The following SUMF2 variants were observed in gnomAD, a reference collection of about 807,000 sequenced individuals.
SUMF2 encodes sulfatase modifying factor 2, also known as inactive C-alpha-formylglycine-generating enzyme 2.
In SUMF2, 45 loss-of-function variants were observed where a neutral mutation model predicts 44.8. That is an observed-to-expected ratio of 1.00 (90% CI 0.79 to 1.29). SUMF2 has a LOEUF of 1.29. SUMF2 is among the 50% of genes most tolerant of loss of function. The pLI, the probability that SUMF2 is intolerant of heterozygous loss-of-function variation, is 0.00. For synonymous variants in SUMF2, 148 were observed against 150.4 expected (o/e 0.98, Z 0.12); for missense variants, 418 against 389.9 (o/e 1.07, Z -0.61).
chr7:56,074,590 C>T lies in SUMF2; in HGVS notation c.389C>T (p.Ala130Val). ...TCACTTAATCCTGGCTGTCAGCCTGCAGGTCCTGGCTCTGGCATCCGAGAG... is the reference window on the plus strand; with the variant it reads ...TCACTTAATCCTGGCTGTCAGCCTGTAGGTCCTGGCTCTGGCATCCGAGAG... ...PVEKAFWRQP[A>V]GPGSGIRERL... The change falls in exon 5 of 9, where the codon GCA (alanine) becomes GTA (valine). Residue 130 changes from alanine to valine, a missense_variant. Physicochemically the swap from Ala to Val is moderately conservative, Grantham distance 64. Coordinates refer to ENST00000434526, the MANE Select transcript of SUMF2 (RefSeq NM_015411.4). The T allele has an allele frequency of 6.2e-7, 1 of 1,613,904 alleles. No homozygotes were observed. Among genetic ancestry groups the T allele is most frequent in the Non-Finnish European group, 8.5e-7 (1 of 1,179,868 alleles).
chr7:56,074,154 G>T lies in SUMF2; in HGVS notation c.340-20G>T, dbSNP rs554597602. Reference sequence around the variant, plus strand: ...TGCTGGGCCGGAGCATCTTGCAGTCGGTCTCCTTCTTTTTCGCAGTCTGTA... The same window carrying T: ...TGCTGGGCCGGAGCATCTTGCAGTCTGTCTCCTTCTTTTTCGCAGTCTGTA... On this transcript the variant is annotated intron_variant, in intron 3 of 8. Transcript: ENST00000434526. 1 of 1,613,534 alleles carries T rather than the reference G, an allele frequency of 6.2e-7. No homozygotes were observed. Among genetic ancestry groups the T allele is most frequent in the South Asian group, 1.1e-5 (1 of 91,048 alleles).
intron 6 of SUMF2, among the ~76,000 whole-genome samples, chr7:56,077,440 T>A (rs1296454160): frequency 6.7e-6 from 1 of 149,120 alleles, no homozygotes; most frequent in Non-Finnish European, 1.5e-5. Flanking sequence ...GGCGGGTGGA[T>A]CACCTGAGGT....
At chr7:56,067,932 A>G (rs1348956360) in intron 1 of SUMF2, among the ~76,000 whole-genome samples, 1 of 151,064 alleles carries the variant, frequency 6.6e-6, no homozygotes. Context: ...TGAATCTCAG[A>G]TTAAGTAATT....
At chr7:56,065,431 T>C (rs1239172540) in intron 1 of SUMF2, among the ~76,000 whole-genome samples, 1 of 152,128 alleles carries the variant, frequency 6.6e-6, no homozygotes, top group Non-Finnish European at 1.5e-5. Flanking sequence ...TGACAGTGCT[T>C]CTTAATAATA....
intron 1 of SUMF2, among the ~76,000 whole-genome samples, chr7:56,066,934 C>T (rs1290380867): frequency 6.6e-6 from 1 of 152,108 alleles, no homozygotes; most frequent in African/African-American, 2.4e-5. Flanking sequence ...CTTTTTAATT[C>T]TATGATTTTC....
At chr7:56,074,308 G>C in intron 4 of SUMF2, 90 bp downstream of exon 4, 1 of 1,360,190 alleles carries the variant, frequency 7.4e-7, no homozygotes, top group Non-Finnish European at 1.0e-6. Flanking sequence ...GTACATCCAG[G>C]AACACTGAGT....
chr7:56,069,663 A>G (rs1302153011), intron 2 of SUMF2, among the ~76,000 whole-genome samples: 1 of 151,972 alleles, frequency 6.6e-6, no homozygotes, highest in Non-Finnish European at 1.5e-5. Flanking sequence ...GTTCAGTGGT[A>G]TGATCTCAGC....
rs1241351985 is a variant in SUMF2, at chr7:56,080,430, ATTT to A, written c.*822_*824del. ...AAGTGTGCACCACCATGCCTGGCTA[ATTT>A]TTTGAATTTTTGTAGTGATGGGATC... On this transcript the variant is annotated 3_prime_UTR_variant, in exon 9 of 9. Transcript: ENST00000434526. 1 of 157,540 alleles carries A rather than the reference ATTT, an allele frequency of 6.3e-6. No individual in the cohort carries two copies. The highest frequency in any genetic ancestry group is 1.9e-4 in the East Asian group (1 of 5,248). 9.8% of individuals were successfully genotyped at this position (157,540 alleles called of 1,614,324 possible). A position where few individuals can be genotyped will look rare whatever the true frequency, so the allele number is the denominator to read the frequency against.
chr7:56,075,109 C>G (rs749108520), intron 5 of SUMF2, among the ~76,000 whole-genome samples: 3 of 150,860 alleles, frequency 2.0e-5, no homozygotes, highest in African/African-American at 7.3e-5. Context: ...AAAGAAAAAG[C>G]GGGGGGATGG....
At position 56,073,998 on chromosome 7, in the gene SUMF2, G is replaced by C. The variant is rs575260782; in HGVS notation, c.340-176G>C. The C allele has an allele frequency of 1.3e-5, 8 of 592,966 alleles. No homozygotes were observed. The East Asian group carries it at 1.7e-4, about 13-fold the overall frequency. The allele number at this position is 592,966 out of a possible 1,614,324, so 36.7% of individuals were successfully genotyped here. On this transcript the variant is annotated intron_variant, in intron 3 of 8. Transcript: ENST00000434526. ...CCACTGCACTCTAGCCTGAGTGACA[G>C]AGCAAGATCTTGTCTCAAAAAAAAA... is the stretch of plus-strand genomic sequence containing the variant.
At chr7:56,082,150 C>A, downstream of SUMF2, 1 of 1,613,094 alleles carries the variant, frequency 6.2e-7, no homozygotes, top group South Asian at 1.1e-5. Flanking sequence ...TCCTCCTTTC[C>A]CGGCGCACTC....
intron 6 of SUMF2, 111 bp from the exon 7 acceptor site, chr7:56,077,991 T>G (rs1449184783): frequency 1.1e-6 from 1 of 889,542 alleles, no homozygotes. Context: ...CCCCGTGCCC[T>G]TCCCCTTCCC....
intron 7 of SUMF2, 75 bp from the exon 8 acceptor site, chr7:56,078,289 G>T: frequency 6.4e-7 from 1 of 1,560,770 alleles, no homozygotes; most frequent in Non-Finnish European, 8.7e-7. Flanking sequence ...CTGCCATTTG[G>T]CCCCCAGGAC....
chr7:56,078,374 C>T lies in SUMF2; in HGVS notation c.687C>T (p.Asp229=). The T allele has an allele frequency of 6.2e-7, 1 of 1,606,690 alleles. No homozygotes were observed. The highest frequency in any genetic ancestry group is 8.5e-7 in the Non-Finnish European group (1 of 1,175,694). ...FPAQNNYGLY[D]LLGNVWEWTA... Reference sequence around the variant, plus strand: ...CCGGTGGGGCTGCAGGGCTCTATGACCTCCTGGGGAACGTGTGGGAGTGGA... The same window carrying T: ...CCGGTGGGGCTGCAGGGCTCTATGATCTCCTGGGGAACGTGTGGGAGTGGA... Residue 229 remains aspartate (D), a synonymous_variant, in exon 8 of 9, where the codon GAC becomes GAT. Transcript: ENST00000434526.
chr7:56,071,804 A>ATAAATAAATAAT (rs1795169836), intron 2 of SUMF2, among the ~76,000 whole-genome samples: 2 of 150,152 alleles, frequency 1.3e-5, no homozygotes, highest in African/African-American at 2.5e-5. Context: ...AAATAAATAA[A>ATAAATAAATAAT]TAAATAAATA....
At chr7:56,083,471 C>T, downstream of SUMF2, 3 of 1,612,192 alleles carry the variant, frequency 1.9e-6, no homozygotes, top group Non-Finnish European at 2.5e-6. Flanking sequence ...TGTTACTCTT[C>T]CTCTGCTCAG....
downstream of SUMF2, chr7:56,082,280 G>C (rs771381553): frequency 6.4e-7 from 1 of 1,564,572 alleles, no homozygotes; most frequent in East Asian, 2.2e-5. Context: ...CATCAGGGCA[G>C]GTCAGCAGGG....
At chr7:56,069,831 G>T (rs764389865) in intron 2 of SUMF2, among the ~76,000 whole-genome samples, 7 of 152,014 alleles carry the variant, frequency 4.6e-5, no homozygotes, top group Non-Finnish European at 1.0e-4. Flanking sequence ...TGATCCTTCT[G>T]CCGTGGCCTC....
Position 56,080,152 on chromosome 7 carries a change from C to T in SUMF2, c.*540C>T. ...GTAACTATTTAAAGCACAGTTCAGT[C>T]CTAAAAGGGTCTGGGAGAACCAGAT... is the stretch of plus-strand genomic sequence containing the variant. On this transcript the variant is annotated 3_prime_UTR_variant, in exon 9 of 9. Coordinates refer to ENST00000434526, the MANE Select transcript of SUMF2 (RefSeq NM_015411.4). The T allele has an allele frequency of 2.6e-6, 1 of 389,108 alleles. No individual in the cohort carries two copies. Among genetic ancestry groups the T allele is most frequent in the Non-Finnish European group, 4.6e-6 (1 of 216,134 alleles). The allele number at this position is 389,108 out of a possible 1,614,324, so 24.1% of individuals were successfully genotyped here.
Sources: allele counts gnomAD v4.1 joint callset (sites outside exome capture counted in the v4.1 genomes callset), GRCh38; gene constraint gnomAD v4.1.1; transcripts MANE v1.5; gene names NCBI Gene and HGNC (gene_info 2026-07-23, HGNC 2026-07-21).